BAIAP2: variants seen among roughly 807,000 people sequenced by gnomAD.
The protein encoded by BAIAP2 is BAR/IMD domain-containing adapter protein 2.
Under a neutral mutation model 63.0 loss-of-function variants are expected in BAIAP2, and 18 were observed. The observed-to-expected ratio is 0.29, with a 90% confidence interval of 0.20 to 0.42. The LOEUF (loss-of-function observed/expected upper bound fraction) is 0.42, where lower values mean the gene tolerates loss of function less well. BAIAP2 is among the 10% of genes least tolerant of loss of function. BAIAP2 has a pLI of 1.00. For synonymous variants in BAIAP2, 386 were observed against 307.6 expected, an observed-to-expected ratio of 1.25 and a Z score of -2.67; for missense variants, 610 against 734.3, an observed-to-expected ratio of 0.83 and a Z score of 1.96.
At chr17:81,113,202 C>T (rs1357521417) in intron 13 of BAIAP2, among the ~76,000 whole-genome samples, 1 of 152,244 alleles carries the variant, frequency 6.6e-6, no homozygotes, top group African/African-American at 2.4e-5. Context: ...CAACAGCTCC[C>T]CCACACATGA....
Position 81,035,414 on chromosome 17 carries a change from G to T in BAIAP2, c.54+106G>T, listed in dbSNP as rs1363510273. 1.8e-4 allele frequency: 113 copies of T among 613,454 alleles called. 1 individual carries two copies. In the Middle Eastern group the frequency reaches 3.2e-3, roughly 17 times the overall value. The allele number at this position is 613,454 out of a possible 1,614,324, so 38.0% of individuals were successfully genotyped here. On this transcript the variant is annotated intron_variant, in intron 1 of 13. Coordinates refer to ENST00000428708, the MANE Select transcript of BAIAP2 (RefSeq NM_001144888.2). Reference sequence around the variant, plus strand: ...GGGCGGCCCCGGGGCCGCGCGCCGGGCCAGGAGGCTGGGACTTTGGGGGTC... The same window carrying T: ...GGGCGGCCCCGGGGCCGCGCGCCGGTCCAGGAGGCTGGGACTTTGGGGGTC...
rs1030471176 is a variant in BAIAP2 at position 81,095,255 on chromosome 17, C to T, written c.490-4673C>T. On this transcript the variant is annotated intron_variant, in intron 6 of 13. Coordinates refer to ENST00000428708, the MANE Select transcript of BAIAP2 (RefSeq NM_001144888.2). ...CAGGCTCAGGGCCGTTGTAAATGGC[C>T]GGGCTGCCAGGTAGGAGGTACAGAC... Among the ~76,000 whole-genome samples the T allele has an allele frequency of 6.6e-5, 10 of 152,272 alleles. No individual in the cohort carries two copies. In the East Asian group the frequency reaches 1.9e-3, roughly 29 times the overall value.
chr17:81,050,227 T>C (rs74451988), intron 1 of BAIAP2, among the ~76,000 whole-genome samples: 77 of 152,278 alleles, frequency 5.1e-4, no homozygotes, highest in East Asian at 4.8e-3. Context: ...CCCCTTACAA[T>C]GTTGGCTCAG....
chr17:81,058,941 T>C (rs1258281752), intron 3 of BAIAP2, among the ~76,000 whole-genome samples: 1 of 152,192 alleles, frequency 6.6e-6, no homozygotes, highest in Non-Finnish European at 1.5e-5. Flanking sequence ...TGGGTTGCTC[T>C]GTGTCACTTC....
chr17:81,075,706 C>T (rs879543406), intron 3 of BAIAP2, among the ~76,000 whole-genome samples: 1 of 152,298 alleles, frequency 6.6e-6, no homozygotes, highest in African/African-American at 2.4e-5. Flanking sequence ...CACCACACTC[C>T]CTCTGTGCCC....
intron 13 of BAIAP2, 61 bp downstream of exon 13, chr17:81,108,570 G>A (rs2059453265): frequency 6.2e-7 from 1 of 1,602,386 alleles, no homozygotes; most frequent in East Asian, 2.2e-5. Flanking sequence ...GCCGGGTGGG[G>A]CAGGTCCCTC....
chr17:81,092,445 G>C (rs1200936327), intron 6 of BAIAP2, among the ~76,000 whole-genome samples: 1 of 152,182 alleles, frequency 6.6e-6, no homozygotes, highest in Non-Finnish European at 1.5e-5. Flanking sequence ...GCGTGAGGTT[G>C]GCCAGGCCCT....
chr17:81,051,904 G>A lies in BAIAP2; in HGVS notation c.55-1764G>A, dbSNP rs145941419. ...GGGGTCTTACCACGTTGCCCAGGCC[G>A]GTCTTGAACGCTTGGGCTCAAGTGA... On this transcript the variant is annotated intron_variant, in intron 1 of 13. Coordinates refer to ENST00000428708, the MANE Select transcript of BAIAP2 (RefSeq NM_001144888.2). Among the ~76,000 whole-genome samples the A allele has an allele frequency of 1.2e-3, 182 of 152,270 alleles. 1 individual carries two copies. The highest frequency in any genetic ancestry group is 4.2e-3 in the African/African-American group (175 of 41,558).
intron 11 of BAIAP2, 105 bp from the exon 12 acceptor site, chr17:81,106,640 T>A: frequency 7.3e-7 from 1 of 1,364,452 alleles, no homozygotes; most frequent in East Asian, 2.3e-5. Flanking sequence ...CCTCCCCGCA[T>A]GTGGCGTGGG....
rs141656677 is a variant in BAIAP2 at position 81,113,914 on chromosome 17, G to A, written c.1536-1856G>A. On this transcript the variant is annotated intron_variant, in intron 13 of 13. Coordinates refer to ENST00000428708, the MANE Select transcript of BAIAP2 (RefSeq NM_001144888.2). ...AGAACCACGCGGCTGCACTGCCCTC[G>A]GCTGTGGTCTGGGCCAGATCTAGGA... Among the ~76,000 whole-genome samples the A allele has an allele frequency of 2.0e-3, 302 of 151,764 alleles. 1 individual carries two copies. The highest frequency in any genetic ancestry group is 6.4e-3 in the African/African-American group (265 of 41,352).
chr17:81,111,627 T>C (rs1282832405), intron 13 of BAIAP2, among the ~76,000 whole-genome samples: 4 of 152,252 alleles, frequency 2.6e-5, no homozygotes, highest in African/African-American at 9.6e-5. Flanking sequence ...AGGGCCATTA[T>C]GGGTCCAATT....
chr17:81,072,595 C>G (rs2052893129), intron 3 of BAIAP2, among the ~76,000 whole-genome samples: 1 of 152,206 alleles, frequency 6.6e-6, no homozygotes, highest in Admixed American at 6.5e-5. Context: ...GGAGGCTAAC[C>G]CTCCTGGGAG....
chr17:81,039,420 G>A (rs2046783706), intron 1 of BAIAP2, among the ~76,000 whole-genome samples: 1 of 152,228 alleles, frequency 6.6e-6, no homozygotes, highest in African/African-American at 2.4e-5. Flanking sequence ...TGTGCCGTTG[G>A]TGGCTGCATG....
chr17:81,081,599 A>G (rs1323215314), intron 3 of BAIAP2, among the ~76,000 whole-genome samples: 1 of 151,986 alleles, frequency 6.6e-6, no homozygotes, highest in Non-Finnish European at 1.5e-5. Context: ...GCTCCTTTAT[A>G]CCAAATTCTG....
In BAIAP2 at chr17:81,110,003, G is replaced by C. The variant is rs1047783615; in HGVS notation, c.1535+1494G>C. The stretch of plus-strand genomic sequence containing the variant: ...TCTTCCTAAACGCTCTCGTCTTTTT[G>C]TGTGTCTTGGTGACTTTAGAAACAA... On this transcript the variant is annotated intron_variant, in intron 13 of 13. Coordinates refer to ENST00000428708, the MANE Select transcript of BAIAP2 (RefSeq NM_001144888.2). 17 of 985,366 alleles carry C rather than the reference G, an allele frequency of 1.7e-5. 1 individual carries two copies. In the South Asian group the frequency reaches 2.3e-4, roughly 14 times the overall value. 61.0% of individuals were successfully genotyped at this position (985,366 alleles called of 1,614,324 possible).
chr17:81,096,629 C>G (rs1019598427), intron 6 of BAIAP2, among the ~76,000 whole-genome samples: 3 of 152,244 alleles, frequency 2.0e-5, no homozygotes, highest in African/African-American at 7.2e-5. Flanking sequence ...TCGGAGCACA[C>G]CCTCCCCACC....
At chr17:81,079,462 C>T (rs982781136) in intron 3 of BAIAP2, among the ~76,000 whole-genome samples, 3 of 152,130 alleles carry the variant, frequency 2.0e-5, no homozygotes, top group Non-Finnish European at 4.4e-5. Context: ...TTCAGGATGA[C>T]TGTGTAGACA....
intron 3 of BAIAP2, among the ~76,000 whole-genome samples, chr17:81,073,223 C>T (rs1174377979): frequency 1.3e-5 from 2 of 152,178 alleles, no homozygotes; most frequent in Non-Finnish European, 2.9e-5. Flanking sequence ...CTCGGACCTT[C>T]CCCACCACTG....
chr17:81,109,867 C>T, intron 13 of BAIAP2: 1 of 985,308 alleles, frequency 1.0e-6, no homozygotes, highest in Non-Finnish European at 1.2e-6. Context: ...CCCCGGGCTA[C>T]CTGGCTGCTC....
Sources: allele counts gnomAD v4.1 joint callset (sites outside exome capture counted in the v4.1 genomes callset), GRCh38; gene constraint gnomAD v4.1.1; transcripts MANE v1.5; gene names NCBI Gene and HGNC (gene_info 2026-07-23, HGNC 2026-07-21).